The following RHOBTB1 variants were observed in gnomAD, a reference collection of about 807,000 sequenced individuals.
The protein encoded by RHOBTB1 is rho-related BTB domain-containing protein 1.
Under a neutral mutation model 71.6 loss-of-function variants are expected in RHOBTB1, and 40 were observed. The ratio of observed to expected loss-of-function variants is 0.56; its 90% CI spans 0.43 to 0.73. RHOBTB1 has a LOEUF of 0.73. Ranked by LOEUF, RHOBTB1 falls within the 30% of genes least tolerant of loss-of-function variation. RHOBTB1 has a pLI of 0.00. For synonymous variants in RHOBTB1, 319 were observed against 334.9 expected, an observed-to-expected ratio of 0.95 and a Z score of 0.52; for missense variants, 797 against 894.0, an observed-to-expected ratio of 0.89 and a Z score of 1.38.
At chr10:60,922,529 C>A (rs1167431032) in intron 2 of RHOBTB1, among the ~76,000 whole-genome samples, 1 of 152,210 alleles carries the variant, frequency 6.6e-6, no homozygotes, top group East Asian at 1.9e-4. Flanking sequence ...CCACTGATGA[C>A]CAGCAGACTG....
intron 4 of RHOBTB1, among the ~76,000 whole-genome samples, chr10:60,905,966 C>T (rs983958267): frequency 3.3e-5 from 5 of 152,150 alleles, no homozygotes; most frequent in East Asian, 1.9e-4. Context: ...TGTGTTCATT[C>T]GTGTCTGATT....
intron 2 of RHOBTB1, among the ~76,000 whole-genome samples, chr10:60,936,814 A>G (rs2084612345): frequency 6.6e-6 from 1 of 152,216 alleles, no homozygotes; most frequent in Admixed American, 6.5e-5. Flanking sequence ...TCCTTGGTAA[A>G]AATAAAAACT....
intron 2 of RHOBTB1, among the ~76,000 whole-genome samples, chr10:60,968,999 G>A (rs891336626): frequency 2.6e-4 from 39 of 152,026 alleles, no homozygotes; most frequent in Non-Finnish European, 7.4e-5. Flanking sequence ...TAAAAATCAG[G>A]TATTTGAATA....
intron 2 of RHOBTB1, among the ~76,000 whole-genome samples, chr10:60,956,059 G>A (rs749533286): frequency 7.2e-5 from 11 of 152,078 alleles, no homozygotes; most frequent in Non-Finnish European, 1.2e-4. Context: ...CAATTTCATC[G>A]TTGTGCAAAC....
chr10:60,888,041 A>T (rs1010008085), intron 6 of RHOBTB1, among the ~76,000 whole-genome samples, 171 bp downstream of exon 6: 3 of 152,138 alleles, frequency 2.0e-5, no homozygotes, highest in African/African-American at 7.2e-5. Context: ...TTTAACCTTT[A>T]AGTCTGATGA....
intron 4 of RHOBTB1, among the ~76,000 whole-genome samples, chr10:60,896,578 A>C (rs1426818595): frequency 1.3e-5 from 2 of 152,192 alleles, no homozygotes; most frequent in Non-Finnish European, 2.9e-5. Flanking sequence ...TATTGTACTT[A>C]CTTTTATTAA....
intron 1 of RHOBTB1, among the ~76,000 whole-genome samples, chr10:60,988,766 A>G (rs2086758608): frequency 6.6e-6 from 1 of 152,222 alleles, no homozygotes; most frequent in Non-Finnish European, 1.5e-5. Context: ...TGAAGAACAC[A>G]TGAATTAATA....
intron 2 of RHOBTB1, among the ~76,000 whole-genome samples, chr10:60,952,235 C>G (rs763436960): frequency 4.6e-4 from 70 of 152,220 alleles, no homozygotes; most frequent in Non-Finnish European, 1.0e-3. Flanking sequence ...CTACTGTGAT[C>G]ACTGTCAACA....
chr10:60,866,243 A>G (rs541014945), downstream of RHOBTB1, among the ~76,000 whole-genome samples: 55 of 152,332 alleles, frequency 3.6e-4, no homozygotes, highest in Non-Finnish European at 5.7e-4. Flanking sequence ...AGGAACCACA[A>G]GGGATGGATG....
chr10:60,921,020 G>A (rs1406832237), intron 2 of RHOBTB1, among the ~76,000 whole-genome samples: 1 of 150,112 alleles, frequency 6.7e-6, no homozygotes, highest in African/African-American at 2.5e-5. Context: ...TCACATGATA[G>A]CTCACTGCGA....
chr10:60,983,694 TA>T (rs1198142081), intron 2 of RHOBTB1, among the ~76,000 whole-genome samples: 3 of 152,202 alleles, frequency 2.0e-5, no homozygotes, highest in African/African-American at 7.2e-5. Context: ...GAGCATGTAA[TA>T]ACCCCCTAAA....
intron 8 of RHOBTB1, chr10:60,876,980 A>G (rs1050347435): frequency 5.3e-5 from 8 of 152,258 alleles, no homozygotes; most frequent in African/African-American, 1.9e-4. Context: ...GGCACTCAGA[A>G]GAAAGGCCAG....
At chr10:60,883,480 C>A (rs1419475350) in intron 7 of RHOBTB1, among the ~76,000 whole-genome samples, 1 of 152,146 alleles carries the variant, frequency 6.6e-6, no homozygotes, top group African/African-American at 2.4e-5. Context: ...TTTGTGCCTG[C>A]GTTCCTGACC....
intron 2 of RHOBTB1, 95 bp from the exon 3 acceptor site, chr10:60,911,647 C>A (rs2082978050): frequency 5.1e-6 from 5 of 983,820 alleles, no homozygotes; most frequent in Non-Finnish European, 7.8e-6. Flanking sequence ...CTTCGTCCAG[C>A]CACTTCCTTG....
At chr10:60,968,708 A>G (rs2086055039) in intron 2 of RHOBTB1, among the ~76,000 whole-genome samples, 1 of 152,182 alleles carries the variant, frequency 6.6e-6, no homozygotes, top group African/African-American at 2.4e-5. Context: ...CCGGGCACCA[A>G]ATGATTCACT....
chr10:60,881,714 T>A (rs1358439231), intron 7 of RHOBTB1, among the ~76,000 whole-genome samples: 1 of 152,206 alleles, frequency 6.6e-6, no homozygotes. Flanking sequence ...ACCTTAGCGT[T>A]TTTTGGCAAG....
At chr10:60,915,756 C>T (rs1589287575) in intron 2 of RHOBTB1, among the ~76,000 whole-genome samples, 1 of 152,152 alleles carries the variant, frequency 6.6e-6, no homozygotes, top group South Asian at 2.1e-4. Flanking sequence ...GTCTGATCAT[C>T]CTATACCTGC....
intron 2 of RHOBTB1, among the ~76,000 whole-genome samples, chr10:60,973,578 G>A (rs1338554643): frequency 5.3e-5 from 8 of 151,962 alleles, no homozygotes; most frequent in Admixed American, 1.3e-4. Context: ...ATATTCAAAA[G>A]AAACAACACC....
chr10:60,952,592 G>A (rs2085450832), intron 2 of RHOBTB1, among the ~76,000 whole-genome samples: 1 of 152,118 alleles, frequency 6.6e-6, no homozygotes, highest in African/African-American at 2.4e-5. Context: ...CTTAAAGTAG[G>A]TACTACTGAC....
Sources: gnomAD v4.1 joint callset for allele counts (sites outside exome capture counted in the v4.1 genomes callset) on GRCh38, gnomAD v4.1.1 for gene constraint, MANE v1.5 for transcripts, NCBI Gene and HGNC (gene_info 2026-07-23, HGNC 2026-07-21) for gene names.